EPHB1: variants seen among roughly 807,000 people sequenced by gnomAD.
The protein encoded by EPHB1 is ephrin type-B receptor 1.
In EPHB1, 30 loss-of-function variants were observed where a neutral mutation model predicts 94.4. That is an observed-to-expected ratio of 0.32 (90% CI 0.24 to 0.43). The LOEUF is 0.43. Ranked by LOEUF, EPHB1 falls within the 20% of genes least tolerant of loss-of-function variation. The pLI is 1.00. For missense variants in EPHB1, 1,055 were observed against 1,308.3 expected (o/e 0.81, Z 2.99); for synonymous variants, 522 against 489.1 (o/e 1.07, Z -0.89).
chr3:135,231,181 G>A lies in EPHB1; in HGVS notation c.2347-9967G>A, dbSNP rs1943522424. Among the ~76,000 whole-genome samples the A allele has an allele frequency of 2.0e-5, 3 of 152,312 alleles. No individual in the cohort carries two copies. The South Asian group carries it at 6.2e-4, about 32-fold the overall frequency. On this transcript the variant is annotated intron_variant, in intron 12 of 15. Transcript: ENST00000398015. ...CTTGTCAAATGAATGAAGGCAGCTA[G>A]TTAATTATTTAGCCCTTGTCTCTCC...
chr3:134,969,273 A>G (rs1933883008), intron 3 of EPHB1, among the ~76,000 whole-genome samples: 3 of 152,206 alleles, frequency 2.0e-5, no homozygotes, highest in Non-Finnish European at 1.5e-5. Flanking sequence ...GATGTTGATG[A>G]TCTTTCATGT....
At chr3:134,880,546 G>T (rs1457353631) in intron 1 of EPHB1, among the ~76,000 whole-genome samples, 1 of 152,214 alleles carries the variant, frequency 6.6e-6, no homozygotes, top group Non-Finnish European at 1.5e-5. Context: ...CCTTCATGGA[G>T]ACTGCTGTAG....
At chr3:135,110,547 GATA>G (rs1170839112) in intron 4 of EPHB1, among the ~76,000 whole-genome samples, 1 of 152,146 alleles carries the variant, frequency 6.6e-6, no homozygotes, top group African/African-American at 2.4e-5. Context: ...CTTCCTTCTG[GATA>G]AAATTGGGTA....
chr3:134,917,022 A>G (rs1443870868), intron 1 of EPHB1, among the ~76,000 whole-genome samples: 1 of 152,232 alleles, frequency 6.6e-6, no homozygotes, highest in Non-Finnish European at 1.5e-5. Context: ...AGAAACTAAT[A>G]CAGCTTCTAA....
chr3:134,800,343 T>C (rs755098369), intron 1 of EPHB1, among the ~76,000 whole-genome samples: 1 of 152,180 alleles, frequency 6.6e-6, no homozygotes, highest in African/African-American at 2.4e-5. Flanking sequence ...TTTAAAATAA[T>C]ATATAGCTAA....
intron 5 of EPHB1, among the ~76,000 whole-genome samples, chr3:135,150,262 G>T (rs140695687): frequency 6.6e-6 from 1 of 152,334 alleles, no homozygotes; most frequent in East Asian, 1.9e-4. Flanking sequence ...CATGTAAATT[G>T]TGCCTCCGCA....
chr3:135,131,978 T>C (rs1322516918), intron 4 of EPHB1, among the ~76,000 whole-genome samples: 1 of 152,174 alleles, frequency 6.6e-6, no homozygotes, highest in Non-Finnish European at 1.5e-5. Context: ...TAAATTGAGA[T>C]AATTATTTTA....
intron 1 of EPHB1, among the ~76,000 whole-genome samples, chr3:134,839,376 C>A (rs566568500): frequency 3.9e-5 from 6 of 152,242 alleles, no homozygotes; most frequent in Non-Finnish European, 8.8e-5. Context: ...AGAGTCTGTT[C>A]CTTTGTTCCT....
chr3:135,049,305 C>T (rs775276840), intron 3 of EPHB1, among the ~76,000 whole-genome samples: 7 of 152,232 alleles, frequency 4.6e-5, no homozygotes, highest in Non-Finnish European at 2.9e-5. Context: ...TTATTTCTCA[C>T]GGTTCTGAGA....
At position 135,218,562 on chromosome 3, in the gene EPHB1, C is replaced by T. The variant is rs867157023; in HGVS notation, c.2346+16873C>T. ...ACACATCTCTCCATTCTGGGCCCCA[C>T]AGGGGTGTGATATGCAAAGCCCTCT... On this transcript the variant is annotated intron_variant, in intron 12 of 15. Coordinates refer to ENST00000398015, the MANE Select transcript of EPHB1 (RefSeq NM_004441.5). Among the ~76,000 whole-genome samples, 12 of 152,330 alleles carry T rather than the reference C, an allele frequency of 7.9e-5. No homozygotes were observed. In the Middle Eastern group the frequency reaches 0.024, roughly 302 times the overall value.
At chr3:135,157,311 C>G (rs1941382425) in intron 6 of EPHB1, among the ~76,000 whole-genome samples, 2 of 152,200 alleles carry the variant, frequency 1.3e-5, no homozygotes, top group South Asian at 2.1e-4. Context: ...GGCTTAATGA[C>G]AGGCCGAGCA....
chr3:134,923,890 GA>G (rs1405463173), intron 1 of EPHB1, among the ~76,000 whole-genome samples: 2 of 152,022 alleles, frequency 1.3e-5, no homozygotes, highest in Admixed American at 6.5e-5. Context: ...GACAAGGGGA[GA>G]AAAAAACCCA....
At chr3:135,211,079 G>C (rs1943021885) in intron 12 of EPHB1, among the ~76,000 whole-genome samples, 1 of 152,044 alleles carries the variant, frequency 6.6e-6, no homozygotes, top group South Asian at 2.1e-4. Context: ...AGTTACTCTA[G>C]AACTAACATA....
At chr3:135,246,192 G>A (rs1485713788) in intron 13 of EPHB1, among the ~76,000 whole-genome samples, 3 of 152,150 alleles carry the variant, frequency 2.0e-5, no homozygotes, top group Admixed American at 1.3e-4. Flanking sequence ...CTGGCATCAT[G>A]AGAGGTTGAG....
chr3:135,238,979 C>A (rs1379441552), intron 12 of EPHB1, among the ~76,000 whole-genome samples: 1 of 152,232 alleles, frequency 6.6e-6, no homozygotes, highest in Non-Finnish European at 1.5e-5. Flanking sequence ...CTTCACCTCT[C>A]TTCCCAGCCG....
At chr3:134,979,484 A>G (rs943968812) in intron 3 of EPHB1, among the ~76,000 whole-genome samples, 1 of 152,148 alleles carries the variant, frequency 6.6e-6, no homozygotes, top group African/African-American at 2.4e-5. Context: ...ACATTTTAGA[A>G]AGGGCTTCTC....
intron 3 of EPHB1, among the ~76,000 whole-genome samples, chr3:135,038,437 A>G (rs558754326): frequency 6.6e-6 from 1 of 152,296 alleles, no homozygotes; most frequent in South Asian, 2.1e-4. Flanking sequence ...GGGAGTACAT[A>G]GAGAATCCCT....
intron 6 of EPHB1, among the ~76,000 whole-genome samples, chr3:135,159,514 A>G (rs979327265): frequency 6.6e-6 from 1 of 152,234 alleles, no homozygotes; most frequent in Non-Finnish European, 1.5e-5. Flanking sequence ...CTTATTTGCA[A>G]GGTGACTTGG....
At chr3:135,099,123 C>A (rs900051111) in intron 3 of EPHB1, among the ~76,000 whole-genome samples, 1 of 150,116 alleles carries the variant, frequency 6.7e-6, no homozygotes, top group Admixed American at 6.7e-5. Flanking sequence ...TTATTATTAT[C>A]ATCACAGCTT....
Sources: gnomAD v4.1 joint callset for allele counts (sites outside exome capture counted in the v4.1 genomes callset) on GRCh38, gnomAD v4.1.1 for gene constraint, MANE v1.5 for transcripts, NCBI Gene and HGNC (gene_info 2026-07-23, HGNC 2026-07-21) for gene names.